AGAP1: variants seen among roughly 807,000 people sequenced by gnomAD.
AGAP1 encodes the protein arf-GAP with GTPase, ANK repeat and PH domain-containing protein 1.
A neutral mutation model predicts 105.3 loss-of-function variants in AGAP1; 29 were observed. The ratio of observed to expected loss-of-function variants is 0.28; its 90% CI spans 0.21 to 0.38. The LOEUF (loss-of-function observed/expected upper bound fraction) is 0.38. Among genes scored for constraint, AGAP1 ranks in the 10% least tolerant of loss-of-function variants. The pLI is 1.00. For missense variants in AGAP1, 998 were observed against 1,165.1 expected, an observed-to-expected ratio of 0.86 and a Z score of 2.09; for synonymous variants, 509 against 485.9, an observed-to-expected ratio of 1.05 and a Z score of -0.63.
intron 13 of AGAP1, among the ~76,000 whole-genome samples, chr2:236,028,996 A>G (rs1377412932): frequency 4.6e-5 from 7 of 151,968 alleles, no homozygotes; most frequent in Non-Finnish European, 8.8e-5. Context: ...GCAGAGGTTT[A>G]CCACATGGAC....
chr2:236,074,465 C>G (rs968465527), intron 16 of AGAP1, among the ~76,000 whole-genome samples: 2 of 152,148 alleles, frequency 1.3e-5, no homozygotes, highest in Non-Finnish European at 2.9e-5. Context: ...ACAGGCTGTT[C>G]TTAATTTTTA....
chr2:236,120,532 A>G lies in AGAP1; in HGVS notation c.2370+85A>G. 7 of 1,575,234 alleles carry G rather than the reference A, an allele frequency of 4.4e-6. No homozygotes were observed. Among genetic ancestry groups the G allele is most frequent in the Non-Finnish European group, 6.0e-6 (7 of 1,162,936 alleles). On this transcript the variant is annotated intron_variant, in intron 17 of 17. Transcript: ENST00000304032. The surrounding 1 kb of genome is among the most constrained non-coding windows in gnomAD (Gnocchi z 6.0). ...CTGCTTCCGTGGGCATCTTTCTGGC[A>G]GAAGGCTGTTGTTCTCGATCTGCAA...
intron 6 of AGAP1, among the ~76,000 whole-genome samples, chr2:235,773,442 G>A (rs934486288): frequency 7.9e-5 from 12 of 152,334 alleles, no homozygotes; most frequent in African/African-American, 2.4e-4. Context: ...TTGATTGGTT[G>A]CAGAAAGCAA....
At position 235,621,950 on chromosome 2, in the gene AGAP1, GC is replaced by G. The variant is rs1420566867; in HGVS notation, c.164-87227del. 6.6e-6 allele frequency among the ~76,000 whole-genome samples: 1 copy of G among 152,094 alleles called. No individual in the cohort carries two copies. The highest frequency in any genetic ancestry group is 1.5e-5 in the Non-Finnish European group (1 of 68,030). ...GGCCACTGTGTGGATGTTTCTGACG[GC>G]CTCTTACAGACTCTGTCCTTTTTGT... On this transcript the variant is annotated intron_variant, in intron 1 of 17. Coordinates refer to ENST00000304032, the MANE Select transcript of AGAP1 (RefSeq NM_001037131.3). The surrounding 1 kb of genome is among the most constrained non-coding windows in gnomAD (Gnocchi z 4.1).
rs1340353073 is a variant in AGAP1, at chr2:235,714,312, A to C, written c.223-3245A>C. ...ATTACAGGCGTGAGCCACCATGCCC[A>C]GCCAGGGGTTAGGTTTCAACATATG... is the stretch of plus-strand genomic sequence containing the variant. On this transcript the variant is annotated intron_variant, in intron 2 of 17. Coordinates refer to ENST00000304032, the MANE Select transcript of AGAP1 (RefSeq NM_001037131.3). This position sits in a 1 kb window ranked among gnomAD's most constrained non-coding sequence, Gnocchi z 4.1. Among the ~76,000 whole-genome samples, 1 of 152,038 alleles carries C rather than the reference A, an allele frequency of 6.6e-6. No individual in the cohort carries two copies. Among genetic ancestry groups the C allele is most frequent in the Non-Finnish European group, 1.5e-5 (1 of 68,016 alleles).
intron 6 of AGAP1, among the ~76,000 whole-genome samples, chr2:235,778,392 G>A (rs1024230707): frequency 2.6e-5 from 4 of 152,190 alleles, no homozygotes; most frequent in Non-Finnish European, 5.9e-5. Flanking sequence ...TCTCTTTAGT[G>A]TCTTTCTCAG....
At chr2:235,939,760 C>T (rs1172478107) in intron 12 of AGAP1, among the ~76,000 whole-genome samples, 3 of 152,166 alleles carry the variant, frequency 2.0e-5, no homozygotes, top group African/African-American at 4.8e-5. Context: ...CTCTGGGCTT[C>T]TCTGAAGACA....
At position 235,559,357 on chromosome 2, in the gene AGAP1, C is replaced by T. The variant is rs1017053560; in HGVS notation, c.163+64508C>T. On this transcript the variant is annotated intron_variant, in intron 1 of 17. Transcript: ENST00000304032. The surrounding 1 kb of genome is among the most constrained non-coding windows in gnomAD (Gnocchi z 5.7). ...GTGCTGATGTTTTGTACTTGATCGG[C>T]TTCTCTGTGGCAAGCCAGAGGCGTC... Among the ~76,000 whole-genome samples the T allele has an allele frequency of 6.6e-6, 1 of 152,212 alleles. No individual in the cohort carries two copies. The highest frequency in any genetic ancestry group is 2.4e-5 in the African/African-American group (1 of 41,448).
rs2057715084 is a variant in AGAP1, at chr2:236,046,259, C to T, written c.1892-2800C>T. 1.3e-5 allele frequency among the ~76,000 whole-genome samples: 2 copies of T among 152,066 alleles called. No individual in the cohort carries two copies. The highest frequency in any genetic ancestry group is 1.3e-4 in the Admixed American group (2 of 15,266). On this transcript the variant is annotated intron_variant, in intron 15 of 17. Coordinates refer to ENST00000304032, the MANE Select transcript of AGAP1 (RefSeq NM_001037131.3). The surrounding 1 kb of genome is among the most constrained non-coding windows in gnomAD (Gnocchi z 5.2). ...GGCTGGATGCTGGGACATAAGGGAG[C>T]AGGAGAGGTGCTAGGTTTTGAGCGG... is the stretch of plus-strand genomic sequence containing the variant.
rs1175904969 is a variant in AGAP1, at chr2:236,103,645, C to T, written c.2115-16547C>T. Among the ~76,000 whole-genome samples the T allele has an allele frequency of 6.6e-5, 10 of 151,936 alleles. No homozygotes were observed. In the South Asian group the frequency reaches 1.3e-3, roughly 19 times the overall value. On this transcript the variant is annotated intron_variant, in intron 16 of 17. Coordinates refer to ENST00000304032, the MANE Select transcript of AGAP1 (RefSeq NM_001037131.3). ...AGTGCAATGGCGTGGTCTCGGCTCACAGTAACCTCCACCTCCTGGGTTCAA... is the reference window on the plus strand; with the variant it reads ...AGTGCAATGGCGTGGTCTCGGCTCATAGTAACCTCCACCTCCTGGGTTCAA...
chr2:235,560,782 C>T (rs1305066407), intron 1 of AGAP1, among the ~76,000 whole-genome samples: 4 of 152,212 alleles, frequency 2.6e-5, no homozygotes, highest in East Asian at 1.9e-4. Context: ...AACTGTCAGA[C>T]AGTGAAATCA....
At chr2:235,853,201 G>A (rs2048552305) in intron 9 of AGAP1, 2 of 1,046,776 alleles carry the variant, frequency 1.9e-6, no homozygotes, top group South Asian at 4.6e-5. Context: ...ATCCAAGATT[G>A]AGCGGATCTG....
Position 235,962,254 on chromosome 2 carries a change from A to T in AGAP1, c.1484-6208A>T, listed in dbSNP as rs1161287121. ...GGCCACTGAGGGGTACACTGACCAC[A>T]CAGAGGAGGCCGGTGTGCATGGCAC... On this transcript the variant is annotated intron_variant, in intron 12 of 17. Transcript: ENST00000304032. This position sits in a 1 kb window ranked among gnomAD's most constrained non-coding sequence, Gnocchi z 5.3. Among the ~76,000 whole-genome samples the T allele has an allele frequency of 6.6e-6, 1 of 152,060 alleles. No individual in the cohort carries two copies. The highest frequency in any genetic ancestry group is 1.5e-5 in the Non-Finnish European group (1 of 68,010).
chr2:236,006,382 C>T (rs1384739136), intron 13 of AGAP1, among the ~76,000 whole-genome samples: 9 of 152,160 alleles, frequency 5.9e-5, no homozygotes, highest in African/African-American at 1.4e-4. Flanking sequence ...TGGAGCTAGG[C>T]GTGCTCGTTG....
intron 13 of AGAP1, among the ~76,000 whole-genome samples, chr2:235,980,881 C>G (rs1034303199): frequency 6.6e-6 from 1 of 152,140 alleles, no homozygotes; most frequent in Non-Finnish European, 1.5e-5. Context: ...GGGATTGTTT[C>G]TTACCAAAAT....
intron 16 of AGAP1, among the ~76,000 whole-genome samples, chr2:236,066,190 G>A (rs1239304387): frequency 6.6e-6 from 1 of 152,174 alleles, no homozygotes; most frequent in Admixed American, 6.6e-5. Context: ...TGCAGTGAAT[G>A]CACAAATTAC....
intron 6 of AGAP1, among the ~76,000 whole-genome samples, chr2:235,758,125 AGT>A (rs1469051215): frequency 5.3e-5 from 8 of 151,030 alleles, no homozygotes; most frequent in African/African-American, 2.0e-4. Context: ...GATTGGAACT[AGT>A]GTGTGTGTGC....
At chr2:235,703,814 C>G (rs1271215521) in intron 1 of AGAP1, among the ~76,000 whole-genome samples, 1 of 152,144 alleles carries the variant, frequency 6.6e-6, no homozygotes, top group East Asian at 1.9e-4. Flanking sequence ...CGAGGCTAGT[C>G]TGGAACTCCT....
At chr2:235,637,508 C>T (rs1307822214) in intron 1 of AGAP1, among the ~76,000 whole-genome samples, 1 of 151,690 alleles carries the variant, frequency 6.6e-6, no homozygotes, top group East Asian at 1.9e-4. Context: ...TCTTGAACTC[C>T]TGGACTCAAG....
Sources: gnomAD v4.1 joint callset for allele counts (sites outside exome capture counted in the v4.1 genomes callset) on GRCh38, gnomAD v4.1.1 for gene constraint, Gnocchi (gnomAD v3.1) non-coding constraint, MANE v1.5 for transcripts, NCBI Gene and HGNC (gene_info 2026-07-23, HGNC 2026-07-21) for gene names.